The following ACSL3 variants were observed in gnomAD, a reference collection of about 807,000 sequenced individuals.
ACSL3 encodes fatty acid CoA ligase Acsl3.
Under a neutral mutation model 84.7 loss-of-function variants are expected in ACSL3, and 34 were observed. That is an observed-to-expected ratio of 0.40 (90% CI 0.31 to 0.53). ACSL3 has a LOEUF of 0.53. Ranked by LOEUF, ACSL3 falls within the 20% of genes least tolerant of loss-of-function variation. The probability of loss-of-function intolerance (pLI) is 0.48; values close to 1 mark genes in which losing one functional copy is unlikely to be tolerated. For synonymous variants in ACSL3, 315 were observed against 299.4 expected, an observed-to-expected ratio of 1.05 and a Z score of -0.54; for missense variants, 680 against 873.1, an observed-to-expected ratio of 0.78 and a Z score of 2.79.
At chr2:222,932,220 A>G (rs1165201520) in intron 14 of ACSL3, among the ~76,000 whole-genome samples, 1 of 152,230 alleles carries the variant, frequency 6.6e-6, no homozygotes, top group Non-Finnish European at 1.5e-5. Context: ...GATGGCATTG[A>G]ATATCTTCTT....
At chr2:222,907,296 C>T (rs983482935) in intron 3 of ACSL3, among the ~76,000 whole-genome samples, 10 of 151,998 alleles carry the variant, frequency 6.6e-5, no homozygotes, top group Non-Finnish European at 1.2e-4. Flanking sequence ...AGAAAGGATT[C>T]TTCAGTTCTC....
chr2:222,941,470 T>C (rs1697305618), intron 16 of ACSL3, 27 bp from the exon 17 acceptor site: 3 of 1,316,710 alleles, frequency 2.3e-6, no homozygotes, highest in Admixed American at 2.1e-5. Context: ...TACCTTTTCT[T>C]CTTTTCTTTT....
At chr2:222,861,296 G>T (rs1574507579) in intron 1 of ACSL3, 38 bp downstream of exon 1, 1 of 152,026 alleles carries the variant, frequency 6.6e-6, no homozygotes, top group Non-Finnish European at 1.5e-5. Flanking sequence ...GCGGGAGCCG[G>T]TTGGCGGCGC....
intron 5 of ACSL3, 185 bp from the exon 6 acceptor site, chr2:222,917,861 G>T: frequency 2.6e-6 from 1 of 385,470 alleles, no homozygotes. Context: ...GCATTTAGGG[G>T]AGGATGAGTA....
chr2:222,888,772 G>T (rs564366420), intron 2 of ACSL3, among the ~76,000 whole-genome samples: 2 of 152,234 alleles, frequency 1.3e-5, no homozygotes, highest in East Asian at 1.9e-4. Flanking sequence ...CTTTCCAGAC[G>T]CTTTGTTTGC....
chr2:222,936,494 T>A (rs1338326488), intron 16 of ACSL3, among the ~76,000 whole-genome samples: 1 of 152,160 alleles, frequency 6.6e-6, no homozygotes, highest in Non-Finnish European at 1.5e-5. Context: ...TGCATTTCTC[T>A]TTTTATTAGT....
At chr2:222,894,983 A>G (rs545682245) in intron 2 of ACSL3, among the ~76,000 whole-genome samples, 2 of 152,054 alleles carry the variant, frequency 1.3e-5, no homozygotes, top group South Asian at 2.1e-4. Flanking sequence ...CTATGTTACT[A>G]CTAGTTGCAG....
At chr2:222,866,034 C>T (rs1695129294) in intron 1 of ACSL3, among the ~76,000 whole-genome samples, 1 of 152,078 alleles carries the variant, frequency 6.6e-6, no homozygotes, top group Non-Finnish European at 1.5e-5. Context: ...GATACAAAGC[C>T]TAGTTTTTGT....
intron 1 of ACSL3, among the ~76,000 whole-genome samples, chr2:222,871,502 AG>A (rs1242094771): frequency 2.0e-5 from 3 of 152,178 alleles, no homozygotes; most frequent in African/African-American, 7.2e-5. Flanking sequence ...GGCATTGTCT[AG>A]GGAGGCCTCA....
chr2:222,906,318 T>C (rs1329825878), intron 3 of ACSL3, among the ~76,000 whole-genome samples: 1 of 152,234 alleles, frequency 6.6e-6, no homozygotes, highest in Non-Finnish European at 1.5e-5. Flanking sequence ...TTTCTTTAAC[T>C]CTCAGATCTC....
chr2:222,879,495 G>A (rs1695537416), intron 1 of ACSL3, among the ~76,000 whole-genome samples: 1 of 152,186 alleles, frequency 6.6e-6, no homozygotes, highest in Non-Finnish European at 1.5e-5. Flanking sequence ...TTAGGCAGGA[G>A]TGAAGGAGGA....
At chr2:222,927,271 GAGA>G in intron 12 of ACSL3, 82 bp downstream of exon 12, 1 of 1,431,638 alleles carries the variant, frequency 7.0e-7, no homozygotes, top group Middle Eastern at 2.2e-4. Context: ...AAATATATAG[GAGA>G]AGAGTAGTAA....
intron 2 of ACSL3, among the ~76,000 whole-genome samples, chr2:222,889,279 CTG>C (rs1695790809): frequency 6.6e-6 from 1 of 152,204 alleles, no homozygotes; most frequent in African/African-American, 2.4e-5. Flanking sequence ...CCGTCAGAAA[CTG>C]ATGTGGGAGG....
At chr2:222,864,265 G>T (rs914306802) in intron 1 of ACSL3, among the ~76,000 whole-genome samples, 1 of 152,190 alleles carries the variant, frequency 6.6e-6, no homozygotes, top group Admixed American at 6.5e-5. Context: ...TGCCTTTGAG[G>T]CCTTTATTGA....
intron 4 of ACSL3, 76 bp from the exon 5 acceptor site, chr2:222,916,243 A>G (rs2106123929): frequency 5.0e-6 from 5 of 1,003,046 alleles, no homozygotes; most frequent in East Asian, 2.8e-5. Flanking sequence ...TCATCATAAC[A>G]TTTGGACGAT....
chr2:222,919,232 G>C (rs375926923), intron 7 of ACSL3, 30 bp downstream of exon 7: 3 of 1,605,964 alleles, frequency 1.9e-6, no homozygotes, highest in Non-Finnish European at 2.6e-6. Context: ...TTCCTTACCT[G>C]TGCTTTCTGG....
At chr2:222,861,812 C>T (rs1695021020) in intron 1 of ACSL3, 2 of 152,364 alleles carry the variant, frequency 1.3e-5, no homozygotes, top group African/African-American at 4.8e-5. Context: ...GGGATTAAGA[C>T]TGTCGTTTGG....
At chr2:222,905,074 A>G (rs1030054028) in intron 3 of ACSL3, 3 of 152,316 alleles carry the variant, frequency 2.0e-5, no homozygotes, top group Admixed American at 1.3e-4. Context: ...GTCCCAGGTG[A>G]GATTTTGAAA....
intron 11 of ACSL3, among the ~76,000 whole-genome samples, chr2:222,925,378 G>A (rs1260962781): frequency 6.6e-6 from 1 of 151,554 alleles, no homozygotes; most frequent in Non-Finnish European, 1.5e-5. Context: ...ATCTTGACAT[G>A]GGAGGATTGC....
Sources: gnomAD v4.1 joint callset for allele counts (sites outside exome capture counted in the v4.1 genomes callset) on GRCh38, gnomAD v4.1.1 for gene constraint, MANE v1.5 for transcripts, NCBI Gene and HGNC (gene_info 2026-07-23, HGNC 2026-07-21) for gene names.